The following BNC2 variants were observed in gnomAD, a reference collection of about 807,000 sequenced individuals.
The protein encoded by BNC2 is basonuclin zinc finger protein 2, also known as zinc finger protein basonuclin-2.
A neutral mutation model predicts 76.3 loss-of-function variants in BNC2; 20 were observed. That is an observed-to-expected ratio of 0.26 (90% CI 0.18 to 0.38). The LOEUF is 0.38. BNC2 is among the 10% of genes least tolerant of loss of function. The pLI, the probability that BNC2 is intolerant of heterozygous loss-of-function variation, is 1.00. For missense variants in BNC2, 1,382 were observed against 1,399.8 expected, an observed-to-expected ratio of 0.99 and a Z score of 0.20; for synonymous variants, 582 against 514.8, an observed-to-expected ratio of 1.13 and a Z score of -1.77.
chr9:16,613,737 A>G (rs1411663994), intron 3 of BNC2, among the ~76,000 whole-genome samples: 1 of 152,174 alleles, frequency 6.6e-6, no homozygotes, highest in South Asian at 2.1e-4. Context: ...TAAGTGAGAA[A>G]TCCTGGGTAA....
intron 5 of BNC2, among the ~76,000 whole-genome samples, chr9:16,465,826 CCAGGGCATTCAGG>C (rs1483459238): frequency 3.0e-4 from 45 of 152,138 alleles, no homozygotes; most frequent in African/African-American, 1.0e-3. Context: ...CTGGTTCTGG[CCAGGGCATTCAGG>C]CAGGAGAAGG....
intron 1 of BNC2, among the ~76,000 whole-genome samples, chr9:16,818,003 T>C (rs550216822): frequency 5.8e-4 from 88 of 152,148 alleles, no homozygotes; most frequent in African/African-American, 1.7e-3. Context: ...TAAAATGTCA[T>C]AGAAAAGGCA....
chr9:16,444,916 T>C (rs1821200226), intron 5 of BNC2, among the ~76,000 whole-genome samples: 1 of 152,206 alleles, frequency 6.6e-6, no homozygotes, highest in African/African-American at 2.4e-5. Context: ...ATCTGACTGC[T>C]CCCTACTATT....
intron 1 of BNC2, among the ~76,000 whole-genome samples, chr9:16,800,096 G>A (rs187296073): frequency 6.6e-6 from 1 of 151,964 alleles, no homozygotes; most frequent in Non-Finnish European, 1.5e-5. Context: ...ATGGTAGCAG[G>A]CGCCTGTAGT....
In BNC2 at chr9:16,411,843, T is replaced by C. The variant is rs1454257206; in HGVS notation, c.*7146A>G. ...TAATATCTTACTGAAATGTGACTGT[T>C]TGTAATGGGGCCAACTATCTTCTCT... On this transcript the variant is annotated 3_prime_UTR_variant, in exon 7 of 7. Coordinates refer to ENST00000380672, the MANE Select transcript of BNC2 (RefSeq NM_017637.6). 1 of 152,252 alleles carries C rather than the reference T, an allele frequency of 6.6e-6. No homozygotes were observed. The highest frequency in any genetic ancestry group is 2.4e-5 in the African/African-American group (1 of 41,462). 9.4% of individuals were successfully genotyped at this position (152,252 alleles called of 1,614,324 possible).
rs552061583 is a variant in BNC2 at position 16,697,400 on chromosome 9, C to G, written c.330+30397G>C. On this transcript the variant is annotated intron_variant, in intron 3 of 6. Transcript: ENST00000380672. ...ATTAAAGAGGTCGTTCCTTGCCCAA[C>G]AAGTTGTCAACATATGCTGAAATCT... 2.0e-5 allele frequency among the ~76,000 whole-genome samples: 3 copies of G among 151,686 alleles called. No homozygotes were observed. In the East Asian group the frequency reaches 5.9e-4, roughly 30 times the overall value.
At chr9:16,674,525 A>T (rs1044053050) in intron 3 of BNC2, among the ~76,000 whole-genome samples, 1 of 151,968 alleles carries the variant, frequency 6.6e-6, no homozygotes, top group South Asian at 2.1e-4. Context: ...AGGGAAGAAG[A>T]TGTGTGTTTA....
chr9:16,673,469 A>G (rs1822545792), intron 3 of BNC2, among the ~76,000 whole-genome samples: 1 of 151,244 alleles, frequency 6.6e-6, no homozygotes, highest in South Asian at 2.1e-4. Context: ...CACACATACA[A>G]CTGAGAGGTG....
Position 16,727,803 on chromosome 9 carries a change from G to C in BNC2, c.324C>G (p.Ser108=). 1 of 1,613,702 alleles carries C rather than the reference G, an allele frequency of 6.2e-7. No homozygotes were observed. Among genetic ancestry groups the C allele is most frequent in the South Asian group, 1.1e-5 (1 of 91,010 alleles). ...AAGAAAGAAAGTAACTTACCTGTTG[G>C]GACATTCTGAATAAGAGGTTAGTAT... ...NADTNLLFRM[S]QQAIRCTLVN... is the part of the protein sequence containing the mutation. Residue 108 remains serine, a synonymous_variant, in exon 3 of 7, where the codon TCC becomes TCG. Coordinates refer to ENST00000380672, the MANE Select transcript of BNC2 (RefSeq NM_017637.6).
At chr9:16,861,791 C>A (rs940147082) in intron 1 of BNC2, among the ~76,000 whole-genome samples, 2 of 152,150 alleles carry the variant, frequency 1.3e-5, no homozygotes, top group Non-Finnish European at 2.9e-5. Flanking sequence ...AGATCGAGAC[C>A]ATCCTGGCTA....
intron 1 of BNC2, among the ~76,000 whole-genome samples, chr9:16,761,218 A>G (rs1825543218): frequency 1.3e-5 from 2 of 152,204 alleles, no homozygotes; most frequent in South Asian, 4.1e-4. Context: ...ACTGCACTCC[A>G]GCCTGGCAGA....
At chr9:16,651,112 A>C (rs1821782526) in intron 3 of BNC2, among the ~76,000 whole-genome samples, 1 of 152,190 alleles carries the variant, frequency 6.6e-6, no homozygotes, top group Non-Finnish European at 1.5e-5. Flanking sequence ...AAGTGTTGTA[A>C]GCTATGCAAA....
chr9:16,672,108 C>T (rs1822494321), intron 3 of BNC2, among the ~76,000 whole-genome samples: 1 of 152,140 alleles, frequency 6.6e-6, no homozygotes, highest in African/African-American at 2.4e-5. Context: ...CACAGATAAT[C>T]ACAGGTGAAA....
chr9:16,785,377 A>G (rs1441935945), intron 1 of BNC2, among the ~76,000 whole-genome samples: 1 of 152,098 alleles, frequency 6.6e-6, no homozygotes. Context: ...ACTTAAGGTG[A>G]TGGAAATTCT....
chr9:16,489,007 A>G (rs1822220096), intron 5 of BNC2, among the ~76,000 whole-genome samples: 1 of 152,220 alleles, frequency 6.6e-6, no homozygotes, highest in South Asian at 2.1e-4. Context: ...ATAGAATTAA[A>G]AATTAAAATA....
At chr9:16,710,922 A>G (rs1402110780) in intron 3 of BNC2, among the ~76,000 whole-genome samples, 1 of 152,200 alleles carries the variant, frequency 6.6e-6, no homozygotes, top group Admixed American at 6.5e-5. Context: ...CTTGACATTC[A>G]ATATGGTCAA....
intron 1 of BNC2, among the ~76,000 whole-genome samples, chr9:16,856,089 C>T (rs148905055): frequency 1.1e-3 from 163 of 152,220 alleles, no homozygotes; most frequent in African/African-American, 3.8e-3. Flanking sequence ...CCACAAAAAA[C>T]AATGTATCAA....
intron 3 of BNC2, among the ~76,000 whole-genome samples, chr9:16,648,658 C>A (rs1166358045): frequency 1.3e-5 from 2 of 152,160 alleles, no homozygotes; most frequent in African/African-American, 4.8e-5. Flanking sequence ...AATGAGGCTC[C>A]ATCAAATAAG....
intron 5 of BNC2, among the ~76,000 whole-genome samples, chr9:16,505,704 CA>C (rs994981050): frequency 6.6e-6 from 1 of 150,618 alleles, no homozygotes; most frequent in Non-Finnish European, 1.5e-5. Flanking sequence ...CAGTTAAAGA[CA>C]AAAAAAAATC....
Sources: gnomAD v4.1 joint callset for allele counts (sites outside exome capture counted in the v4.1 genomes callset) on GRCh38, gnomAD v4.1.1 for gene constraint, MANE v1.5 for transcripts, NCBI Gene and HGNC (gene_info 2026-07-23, HGNC 2026-07-21) for gene names.